The following PDE10A variants were observed in gnomAD, a reference collection of about 807,000 sequenced individuals.
PDE10A encodes the protein cAMP and cAMP-inhibited cGMP 3',5'-cyclic phosphodiesterase 10A.
PDE10A carries 39 observed loss-of-function variants against 97.7 expected under a neutral mutation model. The observed-to-expected ratio is 0.40, with a 90% CI of 0.31 to 0.52. The LOEUF is 0.52. Among genes scored for constraint, PDE10A ranks in the 20% least tolerant of loss-of-function variants. The pLI, the probability that PDE10A is intolerant of heterozygous loss-of-function variation, is 0.56. For synonymous variants in PDE10A, 371 were observed against 376.8 expected (o/e 0.98, Z 0.18); for missense variants, 731 against 1,047.8 (o/e 0.70, Z 4.17).
chr6:165,460,655 T>C (rs1199708673), intron 3 of PDE10A, among the ~76,000 whole-genome samples: 1 of 152,138 alleles, frequency 6.6e-6, no homozygotes, highest in African/African-American at 2.4e-5. Flanking sequence ...CCCTGAAATA[T>C]ATAAAAGTAG....
At chr6:165,739,104 C>T (rs1030206450) in intron 1 of PDE10A, among the ~76,000 whole-genome samples, 2 of 152,152 alleles carry the variant, frequency 1.3e-5, no homozygotes, top group Non-Finnish European at 2.9e-5. Context: ...TATGAAAATT[C>T]CAATGGCATT....
In PDE10A at chr6:165,844,049, C is replaced by T. The variant is rs1375640704; in HGVS notation, c.-615+143480G>A. 7.3e-4 allele frequency among the ~76,000 whole-genome samples: 111 copies of T among 152,134 alleles called. 2 individuals carry two copies. The highest frequency in any genetic ancestry group is 7.1e-3 in the Admixed American group (109 of 15,282). ...AAGGGACGAGTCTGGAGCTGCCTCC[C>T]AAAGGAGGCAGGTGTGGGGTACCTC... On this transcript the variant is annotated intron_variant, in intron 1 of 19. Transcript: ENST00000366882.
At chr6:165,563,716 A>T (rs2769932) in intron 1 of PDE10A, among the ~76,000 whole-genome samples, 1 of 151,786 alleles carries the variant, frequency 6.6e-6, no homozygotes, top group African/African-American at 2.4e-5. Flanking sequence ...CATAGTGAAA[A>T]CCTGTCTCTA....
intron 1 of PDE10A, among the ~76,000 whole-genome samples, chr6:165,800,121 C>T (rs1778943697): frequency 1.3e-5 from 2 of 152,192 alleles, no homozygotes; most frequent in African/African-American, 4.8e-5. Flanking sequence ...AGAGGATTTA[C>T]AGTTTCATAA....
chr6:165,450,387 A>T, intron 3 of PDE10A, 25 bp from the exon 4 acceptor site: 8 of 1,413,912 alleles, frequency 5.7e-6, no homozygotes, highest in Non-Finnish European at 7.9e-6. Context: ...TAACAAAAAT[A>T]AAAACAGAGT....
At chr6:165,385,910 T>A (rs1337722865) in intron 17 of PDE10A, among the ~76,000 whole-genome samples, 3 of 152,214 alleles carry the variant, frequency 2.0e-5, no homozygotes, top group Non-Finnish European at 4.4e-5. Flanking sequence ...CTAATCCTTA[T>A]TCCCAGCTTC....
intron 18 of PDE10A, among the ~76,000 whole-genome samples, chr6:165,360,378 G>A (rs751579802): frequency 2.0e-5 from 3 of 152,168 alleles, no homozygotes; most frequent in Non-Finnish European, 1.5e-5. Flanking sequence ...GCTGCTATAA[G>A]GCTCTGCTTT....
chr6:165,420,595 T>C (rs959221041), intron 10 of PDE10A, among the ~76,000 whole-genome samples: 1 of 152,208 alleles, frequency 6.6e-6, no homozygotes, highest in African/African-American at 2.4e-5. Context: ...ATCTGCAGTG[T>C]TTGAGGTAAT....
At chr6:165,875,683 A>T (rs2248926) in intron 1 of PDE10A, among the ~76,000 whole-genome samples, 1 of 150,606 alleles carries the variant, frequency 6.6e-6, no homozygotes, top group East Asian at 1.9e-4. Flanking sequence ...AAACATTCAC[A>T]GTGATATTTT....
chr6:165,349,436 G>A (rs1026014833), intron 18 of PDE10A, among the ~76,000 whole-genome samples: 1 of 152,178 alleles, frequency 6.6e-6, no homozygotes, highest in African/African-American at 2.4e-5. Context: ...ACTTGAGAGA[G>A]ATGATTGAGG....
chr6:165,742,689 C>T (rs972107658), intron 1 of PDE10A, among the ~76,000 whole-genome samples: 8 of 152,118 alleles, frequency 5.3e-5, no homozygotes, highest in South Asian at 2.1e-4. Flanking sequence ...CAGGTGAGCA[C>T]GACAGTTCTC....
rs958506250 is a variant in PDE10A at position 165,545,320 on chromosome 6, T to C, written c.866-1752A>G. ...TACTTTCCCATCACCTCAAGCTCCA[T>C]CTTAAGTCAAAACTATATGAGTTAT... On this transcript the variant is annotated intron_variant, in intron 1 of 21. Coordinates refer to ENST00000539869, the MANE Select transcript of PDE10A (RefSeq NM_001385079.1). 9.8e-6 allele frequency: 4 copies of C among 409,730 alleles called. No homozygotes were observed. In the East Asian group the frequency reaches 2.8e-4, roughly 29 times the overall value. The allele number at this position is 409,730 out of a possible 1,614,324, so 25.4% of individuals were successfully genotyped here.
rs139502280 is a variant in PDE10A at position 165,487,907 on chromosome 6, G to C, written c.995-5564C>G. ...GCACACACTCAGCGGTGAAGTACCAGAACAGCATTTCACTCAGATCAGCAA... is the reference window on the plus strand; with the variant it reads ...GCACACACTCAGCGGTGAAGTACCACAACAGCATTTCACTCAGATCAGCAA... On this transcript the variant is annotated intron_variant, in intron 2 of 21. Transcript: ENST00000539869. Among the ~76,000 whole-genome samples, 400 of 151,640 alleles carry C rather than the reference G, an allele frequency of 2.6e-3. 3 individuals carry two copies. Among genetic ancestry groups the C allele is most frequent in the African/African-American group, 9.1e-3 (376 of 41,336 alleles).
intron 1 of PDE10A, among the ~76,000 whole-genome samples, chr6:165,850,291 G>A (rs987030958): frequency 6.6e-5 from 10 of 152,226 alleles, no homozygotes; most frequent in Admixed American, 1.3e-4. Context: ...CACAGCAAAA[G>A]AGGCAAATAA....
intron 1 of PDE10A, among the ~76,000 whole-genome samples, chr6:165,824,473 C>T (rs184185505): frequency 6.6e-6 from 1 of 152,168 alleles, no homozygotes; most frequent in Non-Finnish European, 1.5e-5. Context: ...TTACTCATAA[C>T]CTATGTTTAC....
At chr6:165,438,987 G>A (rs1177896048) in intron 5 of PDE10A, among the ~76,000 whole-genome samples, 2 of 150,676 alleles carry the variant, frequency 1.3e-5, no homozygotes, top group African/African-American at 4.9e-5. Context: ...TATATACTTT[G>A]CATTTCTCAT....
chr6:165,467,703 C>T (rs986120631), intron 3 of PDE10A, among the ~76,000 whole-genome samples: 1 of 152,120 alleles, frequency 6.6e-6, no homozygotes, highest in Non-Finnish European at 1.5e-5. Flanking sequence ...ACTTTCTATG[C>T]CTAGTGAAGA....
intron 2 of PDE10A, among the ~76,000 whole-genome samples, chr6:165,513,554 G>C (rs1026543442): frequency 6.6e-6 from 1 of 152,006 alleles, no homozygotes; most frequent in Non-Finnish European, 1.5e-5. Context: ...TTTAAAATCA[G>C]TTAATCAATT....
At position 165,643,905 on chromosome 6, in the gene PDE10A, A is replaced by G. The variant is rs375938498; in HGVS notation, c.865+18042T>C. ...TAGATATGTTAATTCACCTGATTTA[A>G]TCATTCCACAATGTATGCATACATC... is the stretch of plus-strand genomic sequence containing the variant. On this transcript the variant is annotated intron_variant, in intron 1 of 21. Coordinates refer to ENST00000539869, the MANE Select transcript of PDE10A (RefSeq NM_001385079.1). Among the ~76,000 whole-genome samples, 3 of 152,224 alleles carry G rather than the reference A, an allele frequency of 2.0e-5. No homozygotes were observed. In the East Asian group the frequency reaches 5.8e-4, roughly 29 times the overall value.
Sources: allele counts gnomAD v4.1 joint callset (sites outside exome capture counted in the v4.1 genomes callset), GRCh38; gene constraint gnomAD v4.1.1; transcripts MANE v1.5; gene names NCBI Gene and HGNC (gene_info 2026-07-23, HGNC 2026-07-21).